Variants in GRIP1 observed in about 807,000 individuals in gnomAD.
GRIP1 encodes glutamate receptor interacting protein 1, also known as glutamate receptor-interacting protein 1.
GRIP1 carries 45 observed loss-of-function variants against 129.9 expected under a neutral mutation model. The observed-to-expected ratio is 0.35, with a 90% CI of 0.27 to 0.44. GRIP1 has a LOEUF of 0.44. Among genes scored for constraint, GRIP1 ranks in the 20% least tolerant of loss-of-function variants. The pLI is 1.00. For missense variants in GRIP1, 1,196 were observed against 1,396.8 expected, an observed-to-expected ratio of 0.86 and a Z score of 2.29; for synonymous variants, 530 against 520.8, an observed-to-expected ratio of 1.02 and a Z score of -0.24.
intron 16 of GRIP1, among the ~76,000 whole-genome samples, chr12:66,400,975 G>A (rs921496172): frequency 8.5e-5 from 13 of 152,122 alleles, no homozygotes; most frequent in African/African-American, 2.9e-4. Context: ...ATTGGGTATT[G>A]GGGATTGGGT....
chr12:66,588,988 TTAAATAAATAAA>T (rs71069012), intron 2 of GRIP1, among the ~76,000 whole-genome samples: 23 of 145,848 alleles, frequency 1.6e-4, no homozygotes, highest in Middle Eastern at 3.5e-3. Context: ...AAAAAAAAAA[TTAAATAAATAAA>T]TAAATAAATA....
At chr12:66,605,352 G>A (rs549741366) in intron 1 of GRIP1, among the ~76,000 whole-genome samples, 67 of 152,160 alleles carry the variant, frequency 4.4e-4, no homozygotes, top group African/African-American at 1.5e-3. Flanking sequence ...TGTTAAATCA[G>A]GGCTCTCAAG....
intron 1 of GRIP1, among the ~76,000 whole-genome samples, chr12:66,749,418 T>C (rs983463367): frequency 1.3e-5 from 2 of 152,326 alleles, no homozygotes; most frequent in South Asian, 4.1e-4. Context: ...CTGTGTACCA[T>C]GCAATGGCTC....
chr12:66,618,778 T>C (rs529003518), intron 1 of GRIP1, among the ~76,000 whole-genome samples: 1 of 152,210 alleles, frequency 6.6e-6, no homozygotes, highest in African/African-American at 2.4e-5. Context: ...TTCATACTTG[T>C]AAAACAATTA....
chr12:66,390,374 T>C (rs969680645), intron 19 of GRIP1, among the ~76,000 whole-genome samples: 2 of 152,242 alleles, frequency 1.3e-5, no homozygotes, highest in African/African-American at 4.8e-5. Context: ...TACCTTGGAG[T>C]ACTTCGATTC....
intron 1 of GRIP1, among the ~76,000 whole-genome samples, chr12:66,639,741 A>G (rs981598061): frequency 6.6e-6 from 1 of 152,238 alleles, no homozygotes; most frequent in Admixed American, 6.5e-5. Flanking sequence ...GTTGTAAAAA[A>G]CATCTGCTTC....
intron 7 of GRIP1, among the ~76,000 whole-genome samples, chr12:66,498,699 CAA>C (rs34305186): frequency 4.1e-5 from 6 of 147,994 alleles, no homozygotes; most frequent in South Asian, 2.1e-4. Flanking sequence ...GTCATACAGG[CAA>C]AAAAAAAATG....
At chr12:66,541,522 A>G (rs1377313198) in intron 3 of GRIP1, among the ~76,000 whole-genome samples, 1 of 152,122 alleles carries the variant, frequency 6.6e-6, no homozygotes, top group East Asian at 1.9e-4. Context: ...TCAGTGGCAC[A>G]TTTGCAGACA....
chr12:66,455,307 A>T, intron 11 of GRIP1, 102 bp downstream of exon 11: 1 of 1,058,438 alleles, frequency 9.4e-7, no homozygotes. Context: ...CTGATCACTT[A>T]AGCAACTGTG....
intron 1 of GRIP1, among the ~76,000 whole-genome samples, chr12:66,920,901 C>T (rs534537233): frequency 2.6e-5 from 4 of 152,312 alleles, no homozygotes; most frequent in East Asian, 3.9e-4. Flanking sequence ...AAGGCATAAA[C>T]GGACTTCTCT....
In GRIP1 at chr12:66,484,884, C is replaced by T. The variant is rs149307846; in HGVS notation, c.725-19462G>A. Among the ~76,000 whole-genome samples, 839 of 152,162 alleles carry T rather than the reference C, an allele frequency of 5.5e-3. 7 individuals are homozygous for T. Among genetic ancestry groups the T allele is most frequent in the African/African-American group, 0.019 (805 of 41,512 alleles). On this transcript the variant is annotated intron_variant, in intron 7 of 24. Coordinates refer to ENST00000359742, the MANE Select transcript of GRIP1 (RefSeq NM_001366722.1). ...TGTTTGAGGTGATGGATAGATATCC[C>T]TATTACTCTGAGTTGATCATTATAC...
chr12:66,997,358 C>G (rs571823363), intron 1 of GRIP1, among the ~76,000 whole-genome samples: 39 of 151,970 alleles, frequency 2.6e-4, no homozygotes, highest in South Asian at 1.2e-3. Context: ...GTGAGAGGAT[C>G]GCTTGAGCCC....
intron 1 of GRIP1, among the ~76,000 whole-genome samples, chr12:66,815,636 C>T (rs997599472): frequency 9.9e-5 from 15 of 151,986 alleles, no homozygotes; most frequent in Middle Eastern, 3.2e-3. Context: ...TTGTGGCACA[C>T]GCCTGTGGTT....
chr12:66,476,199 A>T (rs1483076661), intron 7 of GRIP1, among the ~76,000 whole-genome samples: 1 of 152,250 alleles, frequency 6.6e-6, no homozygotes, highest in Non-Finnish European at 1.5e-5. Context: ...CACCGATCCC[A>T]CAGAAATACA....
rs542315545 is a variant in GRIP1 at position 66,460,175 on chromosome 12, C to T, written c.1042+2749G>A. Among the ~76,000 whole-genome samples the T allele has an allele frequency of 3.9e-5, 6 of 152,284 alleles. No individual in the cohort carries two copies. The East Asian group carries it at 5.8e-4, about 15-fold the overall frequency. On this transcript the variant is annotated intron_variant, in intron 9 of 24. Transcript: ENST00000359742. ...TCTGGACACGTGATCCTAAAGTCCC[C>T]GCTTCAACCACCAGACATACCGCCT...
chr12:66,726,035 T>G (rs1223701253), intron 1 of GRIP1, among the ~76,000 whole-genome samples: 1 of 152,198 alleles, frequency 6.6e-6, no homozygotes, highest in Non-Finnish European at 1.5e-5. Flanking sequence ...CATCTCTATC[T>G]CCTAGCCTCA....
chr12:66,827,030 T>C (rs2039426176), intron 1 of GRIP1, among the ~76,000 whole-genome samples: 1 of 152,150 alleles, frequency 6.6e-6, no homozygotes, highest in African/African-American at 2.4e-5. Context: ...AAGTCAACTT[T>C]TGGAGGTAGA....
At chr12:66,646,388 C>T (rs2032367760) in intron 1 of GRIP1, among the ~76,000 whole-genome samples, 1 of 152,106 alleles carries the variant, frequency 6.6e-6, no homozygotes, top group Non-Finnish European at 1.5e-5. Context: ...ACTGGAGAGG[C>T]CAAGGCAGGT....
intron 7 of GRIP1, among the ~76,000 whole-genome samples, chr12:66,489,087 T>C (rs2060035367): frequency 6.6e-6 from 1 of 152,122 alleles, no homozygotes. Context: ...TTCAAACAAA[T>C]TGAAAAGGAG....
Sources: allele counts gnomAD v4.1 joint callset (sites outside exome capture counted in the v4.1 genomes callset), GRCh38; gene constraint gnomAD v4.1.1; transcripts MANE v1.5; gene names NCBI Gene and HGNC (gene_info 2026-07-23, HGNC 2026-07-21).